Variants in FGD4 observed in about 807,000 individuals in gnomAD.
FGD4 encodes FYVE, RhoGEF and PH domain containing 4, also known as FYVE, RhoGEF and PH domain-containing protein 4.
FGD4 carries 42 observed loss-of-function variants against 102.0 expected under a neutral mutation model. That is an observed-to-expected ratio of 0.41 (90% CI 0.32 to 0.53). FGD4 has a LOEUF of 0.53. Among genes scored for constraint, FGD4 ranks in the 20% least tolerant of loss-of-function variants. FGD4 has a pLI of 0.21. For synonymous variants in FGD4, 380 were observed against 375.7 expected (o/e 1.01, Z -0.13); for missense variants, 902 against 1,078.2 (o/e 0.84, Z 2.29).
Position 32,624,535 on chromosome 12 carries a change from G to A in FGD4, c.1953+83G>A. ...CTCACCCAGTCTGGAGTGCAGTGGT[G>A]TGATCATGTCTCACTGCAGCCTCTG... On this transcript the variant is annotated intron_variant, in intron 12 of 16. Coordinates refer to ENST00000534526, the MANE Select transcript of FGD4 (RefSeq NM_001370298.3). 5.1e-6 allele frequency: 6 copies of A among 1,168,916 alleles called. No individual in the cohort carries two copies. The South Asian group carries it at 6.7e-5, about 13-fold the overall frequency. The allele number at this position is 1,168,916 out of a possible 1,614,324, so 72.4% of individuals were successfully genotyped here.
chr12:32,509,306 G>A (rs1054952457), intron 1 of FGD4, among the ~76,000 whole-genome samples: 2 of 142,894 alleles, frequency 1.4e-5, no homozygotes, highest in African/African-American at 2.6e-5. Context: ...TATAGGAAAC[G>A]TAACTACCAC....
intron 12 of FGD4, 172 bp downstream of exon 12, chr12:32,624,624 C>A: frequency 1.4e-6 from 1 of 699,680 alleles, no homozygotes; most frequent in Non-Finnish European, 2.6e-6. Context: ...GCGTGCACCA[C>A]CATGTCTGGT....
chr12:32,618,680 T>C (rs1949599468), intron 10 of FGD4, among the ~76,000 whole-genome samples: 1 of 151,960 alleles, frequency 6.6e-6, no homozygotes, highest in South Asian at 2.1e-4. Flanking sequence ...AAAAAAATTT[T>C]TTAATTGAGG....
chr12:32,570,235 T>C (rs1945533985), intron 2 of FGD4, among the ~76,000 whole-genome samples: 1 of 106,158 alleles, frequency 9.4e-6, no homozygotes, highest in Non-Finnish European at 1.8e-5. Flanking sequence ...GGCAAGACGC[T>C]GTCTCAAAAA....
chr12:32,493,167 C>A (rs1310175582), intron 1 of FGD4, among the ~76,000 whole-genome samples: 2 of 152,198 alleles, frequency 1.3e-5, no homozygotes, highest in African/African-American at 4.8e-5. Flanking sequence ...CAGTCACCGT[C>A]CAGCTACCTG....
intron 1 of FGD4, among the ~76,000 whole-genome samples, chr12:32,438,843 C>T (rs958017587): frequency 6.6e-5 from 10 of 151,920 alleles, no homozygotes; most frequent in Admixed American, 1.3e-4. Flanking sequence ...CTCCTGACCT[C>T]GTGATCCGCC....
intron 1 of FGD4, among the ~76,000 whole-genome samples, chr12:32,412,470 C>T (rs1941245818): frequency 6.6e-6 from 1 of 152,116 alleles, no homozygotes; most frequent in East Asian, 1.9e-4. Flanking sequence ...TGCGCTCCTT[C>T]AATTGGAAGT....
chr12:32,566,497 C>A lies in FGD4; in HGVS notation c.319+2208C>A, dbSNP rs577196187. Reference sequence around the variant, plus strand: ...TGCCTATGTGTCCGCTCACATAGTACATAACCAGTCTTCAATAACACTGCT... The same window carrying A: ...TGCCTATGTGTCCGCTCACATAGTAAATAACCAGTCTTCAATAACACTGCT... On this transcript the variant is annotated intron_variant, in intron 2 of 16. Coordinates refer to ENST00000534526, the MANE Select transcript of FGD4 (RefSeq NM_001370298.3). Among the ~76,000 whole-genome samples the A allele has an allele frequency of 2.6e-5, 4 of 152,276 alleles. No homozygotes were observed. The South Asian group carries it at 6.2e-4, about 24-fold the overall frequency.
chr12:32,495,477 A>C (rs933570710), intron 1 of FGD4, among the ~76,000 whole-genome samples: 6 of 152,036 alleles, frequency 3.9e-5, no homozygotes, highest in African/African-American at 1.4e-4. Flanking sequence ...CGGGCAGATC[A>C]CGAGGTCAGG....
At chr12:32,567,409 A>C (rs1016658615) in intron 2 of FGD4, among the ~76,000 whole-genome samples, 2 of 152,062 alleles carry the variant, frequency 1.3e-5, no homozygotes, top group African/African-American at 4.8e-5. Context: ...CCACACTTGC[A>C]TATCCTCCCC....
rs569754302 is a variant in FGD4, at chr12:32,573,098, T to TTAAAAC, written c.320-3167_320-3166insAAAACT. 1.3e-4 allele frequency among the ~76,000 whole-genome samples: 20 copies of TTAAAAC among 152,264 alleles called. No individual in the cohort carries two copies. The East Asian group carries it at 3.9e-3, about 29-fold the overall frequency. On this transcript the variant is annotated intron_variant, in intron 2 of 16. Transcript: ENST00000534526. Reference sequence around the variant, plus strand: ...ATGAGATCCTGGTTTTTAACTGGAATTGGATTTTTTTTTTGAGACGGGAGT... The same window carrying TTAAAAC: ...ATGAGATCCTGGTTTTTAACTGGAATTAAAACTGGATTTTTTTTTTGAGACGGGAGT...
chr12:32,633,171 G>A (rs1950591540), intron 14 of FGD4, among the ~76,000 whole-genome samples: 1 of 152,110 alleles, frequency 6.6e-6, no homozygotes, highest in Admixed American at 6.6e-5. Context: ...TTGTATGACT[G>A]CCCCATTTCC....
At chr12:32,619,937 AT>A (rs1949701911) in intron 11 of FGD4, 67 bp downstream of exon 11, 4 of 1,576,772 alleles carry the variant, frequency 2.5e-6, no homozygotes, top group Non-Finnish European at 3.5e-6. Flanking sequence ...TTAAAATAGA[AT>A]GGCTCTGAGG....
At chr12:32,585,714 G>A (rs901348683) in intron 4 of FGD4, among the ~76,000 whole-genome samples, 4 of 151,406 alleles carry the variant, frequency 2.6e-5, no homozygotes, top group African/African-American at 9.7e-5. Context: ...CTTGCCTGTA[G>A]TCCCAGCTAC....
At chr12:32,564,052 AGTGGGAGAGGGG>A (rs1445792362) in intron 1 of FGD4, 73 bp from the exon 2 acceptor site, 1 of 1,248,664 alleles carries the variant, frequency 8.0e-7, no homozygotes, top group African/African-American at 1.7e-5. Context: ...AGGGAGAGGG[AGTGGGAGAGGGG>A]AAATTTAACT....
At chr12:32,478,008 A>G (rs1275762420) in intron 1 of FGD4, among the ~76,000 whole-genome samples, 1 of 152,206 alleles carries the variant, frequency 6.6e-6, no homozygotes, top group African/African-American at 2.4e-5. Context: ...AGGCTAGTAA[A>G]TTTCTCCATA....
At chr12:32,528,890 G>C (rs907705199) in intron 1 of FGD4, among the ~76,000 whole-genome samples, 3 of 151,930 alleles carry the variant, frequency 2.0e-5, no homozygotes, top group Non-Finnish European at 4.4e-5. Context: ...GCTGTACTCT[G>C]TGTGTGTGTG....
chr12:32,406,501 C>T (rs906158038), intron 1 of FGD4, among the ~76,000 whole-genome samples: 6 of 151,586 alleles, frequency 4.0e-5, no homozygotes, highest in African/African-American at 1.5e-4. Flanking sequence ...TTGCAGTGAG[C>T]TGAGATTGTG....
intron 14 of FGD4, among the ~76,000 whole-genome samples, chr12:32,632,705 A>ATTTTTT (rs1275380016): frequency 1.6e-5 from 2 of 124,884 alleles, no homozygotes; most frequent in African/African-American, 6.4e-5. Context: ...TTATTTATTT[A>ATTTTTT]TTTATTTATT....
Sources: allele counts gnomAD v4.1 joint callset (sites outside exome capture counted in the v4.1 genomes callset), GRCh38; gene constraint gnomAD v4.1.1; transcripts MANE v1.5; gene names NCBI Gene and HGNC (gene_info 2026-07-23, HGNC 2026-07-21).